OXR1: variants seen among roughly 807,000 people sequenced by gnomAD.
OXR1 encodes oxidation resistance 1, also known as oxidation resistance protein 1.
Under a neutral mutation model 104.6 loss-of-function variants are expected in OXR1, and 41 were observed. That is an observed-to-expected ratio of 0.39 (90% confidence interval 0.31 to 0.51). OXR1 has a LOEUF of 0.51. OXR1 is among the 20% of genes least tolerant of loss of function. The pLI, the probability that OXR1 is intolerant of heterozygous loss-of-function variation, is 0.77. For synonymous variants in OXR1, 348 were observed against 348.4 expected (o/e 1.00, Z 0.01); for missense variants, 955 against 1,031.9 (o/e 0.93, Z 1.02).
chr8:106,712,949 C>A (rs1437015655), intron 10 of OXR1, among the ~76,000 whole-genome samples: 1 of 151,826 alleles, frequency 6.6e-6, no homozygotes, highest in Non-Finnish European at 1.5e-5. Context: ...ATATTCATTA[C>A]AAATTAGTAT....
chr8:106,728,811 TAATC>T (rs1306483694), intron 11 of OXR1, among the ~76,000 whole-genome samples: 2 of 152,192 alleles, frequency 1.3e-5, no homozygotes, highest in Non-Finnish European at 1.5e-5. Context: ...GATTTAGTCT[TAATC>T]AAAGTCACAA....
chr8:106,332,568 C>A (rs1271665348), intron 1 of OXR1, among the ~76,000 whole-genome samples: 1 of 152,068 alleles, frequency 6.6e-6, no homozygotes. Context: ...TTTGCATTTC[C>A]TTTGGCTATA....
At chr8:106,474,764 T>G (rs1262886470) in intron 2 of OXR1, among the ~76,000 whole-genome samples, 3 of 151,950 alleles carry the variant, frequency 2.0e-5, no homozygotes, top group Admixed American at 6.6e-5. Context: ...TTTCCAACCC[T>G]TGAGCAAGAT....
intron 2 of OXR1, among the ~76,000 whole-genome samples, chr8:106,468,473 A>T (rs954107562): frequency 2.6e-5 from 4 of 151,740 alleles, no homozygotes; most frequent in African/African-American, 9.7e-5. Flanking sequence ...AAAGGAATAC[A>T]TAGTCAAAGA....
intron 2 of OXR1, among the ~76,000 whole-genome samples, chr8:106,419,430 G>A (rs564996656): frequency 5.3e-5 from 8 of 152,258 alleles, no homozygotes; most frequent in Admixed American, 3.3e-4. Context: ...CCCAGTTCCT[G>A]GAGTCTGGAT....
intron 3 of OXR1, among the ~76,000 whole-genome samples, chr8:106,653,764 A>G (rs1375735831): frequency 1.3e-5 from 2 of 152,022 alleles, no homozygotes; most frequent in African/African-American, 4.8e-5. Context: ...CAAGAAAAAA[A>G]GGCACCTGAA....
chr8:106,272,832 AAAAT>A (rs1811873869), intron 1 of OXR1: 1 of 152,180 alleles, frequency 6.6e-6, no homozygotes, highest in South Asian at 2.1e-4. Context: ...ATGTGAAGGT[AAAAT>A]AAATGATCAT....
chr8:106,587,324 G>T (rs1818707245), intron 3 of OXR1, among the ~76,000 whole-genome samples: 1 of 152,184 alleles, frequency 6.6e-6, no homozygotes, highest in Non-Finnish European at 1.5e-5. Context: ...GATTAAGGAT[G>T]TTGGAAGAGT....
chr8:106,503,299 C>T (rs1198061246), intron 2 of OXR1, among the ~76,000 whole-genome samples: 2 of 152,096 alleles, frequency 1.3e-5, no homozygotes, highest in African/African-American at 4.8e-5. Flanking sequence ...TAAAATTAGA[C>T]ATTTTCTCTA....
At chr8:106,540,311 TTCC>T (rs1814853650) in intron 3 of OXR1, among the ~76,000 whole-genome samples, 1 of 152,170 alleles carries the variant, frequency 6.6e-6, no homozygotes, top group Non-Finnish European at 1.5e-5. Flanking sequence ...TGGGTAAAAG[TTCC>T]AGAAAGATCA....
At chr8:106,425,951 C>G (rs961018905) in intron 2 of OXR1, among the ~76,000 whole-genome samples, 3 of 152,138 alleles carry the variant, frequency 2.0e-5, no homozygotes, top group Non-Finnish European at 2.9e-5. Context: ...ATGTAAGGAA[C>G]AGCAAGGGAG....
chr8:106,626,908 AT>A (rs1168437353), intron 3 of OXR1, among the ~76,000 whole-genome samples: 8 of 151,712 alleles, frequency 5.3e-5, no homozygotes, highest in African/African-American at 1.9e-4. Flanking sequence ...ACTAGGATAT[AT>A]TTTTTCTTAT....
At chr8:106,733,091 T>C (rs1308165298) in intron 11 of OXR1, among the ~76,000 whole-genome samples, 4 of 152,140 alleles carry the variant, frequency 2.6e-5, no homozygotes, top group Non-Finnish European at 4.4e-5. Context: ...GGAGTTTTGC[T>C]ATGTTCCCTG....
At chr8:106,629,035 C>T (rs554600524) in intron 3 of OXR1, among the ~76,000 whole-genome samples, 4 of 152,272 alleles carry the variant, frequency 2.6e-5, no homozygotes, top group East Asian at 3.9e-4. Flanking sequence ...CAGAGCGTAA[C>T]AGAGTAAGAG....
intron 2 of OXR1, among the ~76,000 whole-genome samples, chr8:106,475,282 CA>C (rs1179159484): frequency 6.6e-6 from 1 of 151,704 alleles, no homozygotes; most frequent in Non-Finnish European, 1.5e-5. Context: ...TGTATTCTTA[CA>C]ATAAAGTAAG....
chr8:106,579,536 G>A (rs1371181922), intron 3 of OXR1, among the ~76,000 whole-genome samples: 4 of 152,110 alleles, frequency 2.6e-5, no homozygotes, highest in Admixed American at 2.6e-4. Flanking sequence ...CAAAGCCTTG[G>A]GACTGAGCTT....
chr8:106,361,079 C>A (rs1816224819), intron 2 of OXR1, among the ~76,000 whole-genome samples: 2 of 152,148 alleles, frequency 1.3e-5, no homozygotes, highest in Non-Finnish European at 2.9e-5. Context: ...GATTGTTGCT[C>A]CAAAACACAG....
intron 1 of OXR1, among the ~76,000 whole-genome samples, chr8:106,289,867 TAGTG>T (rs1445100074): frequency 2.0e-5 from 3 of 152,140 alleles, no homozygotes; most frequent in African/African-American, 7.2e-5. Flanking sequence ...GTTCTCATGA[TAGTG>T]AGTGAGTGAG....
chr8:106,343,141 T>C (rs1051429043), intron 1 of OXR1, among the ~76,000 whole-genome samples: 5 of 152,216 alleles, frequency 3.3e-5, no homozygotes, highest in African/African-American at 1.2e-4. Context: ...TGTTATAATC[T>C]TCTCCCAGTT....
Sources: gnomAD v4.1 joint callset for allele counts (sites outside exome capture counted in the v4.1 genomes callset) on GRCh38, gnomAD v4.1.1 for gene constraint, MANE v1.5 for transcripts, NCBI Gene and HGNC (gene_info 2026-07-23, HGNC 2026-07-21) for gene names.